The following GRIK1 variants were observed in gnomAD, a reference collection of about 807,000 sequenced individuals.
GRIK1 encodes the protein glutamate receptor ionotropic, kainate 1.
GRIK1 carries 69 observed loss-of-function variants against 105.7 expected under a neutral mutation model. The observed-to-expected ratio is 0.65, with a 90% CI of 0.54 to 0.80. The LOEUF (loss-of-function observed/expected upper bound fraction) is 0.80. Among genes scored for constraint, GRIK1 ranks in the 30% least tolerant of loss-of-function variants. GRIK1 has a pLI of 0.00. For synonymous variants in GRIK1, 438 were observed against 431.3 expected (o/e 1.02, Z -0.19); for missense variants, 1,109 against 1,167.3 (o/e 0.95, Z 0.73).
At chr21:29,837,407 A>G (rs1248764774) in intron 1 of GRIK1, among the ~76,000 whole-genome samples, 2 of 152,210 alleles carry the variant, frequency 1.3e-5, no homozygotes, top group East Asian at 3.8e-4. Context: ...TGTCCAGGGA[A>G]GAACAACTTC....
intron 1 of GRIK1, among the ~76,000 whole-genome samples, chr21:29,878,939 C>T (rs934226465): frequency 2.0e-5 from 3 of 152,128 alleles, no homozygotes; most frequent in African/African-American, 7.2e-5. Context: ...TTGGACTTCC[C>T]AGCCTCTGAA....
chr21:29,859,619 CA>C (rs1184985565), intron 1 of GRIK1, among the ~76,000 whole-genome samples: 1 of 152,180 alleles, frequency 6.6e-6, no homozygotes, highest in East Asian at 1.9e-4. Context: ...AGCAGTAATG[CA>C]CTTGGCCAGT....
intron 1 of GRIK1, among the ~76,000 whole-genome samples, chr21:29,908,237 T>C (rs1026996079): frequency 1.1e-5 from 1 of 93,466 alleles, no homozygotes. Flanking sequence ...CACAGAAATG[T>C]ATATGAAAAT....
chr21:29,659,721 G>T (rs1214335729), intron 4 of GRIK1, among the ~76,000 whole-genome samples: 1 of 152,168 alleles, frequency 6.6e-6, no homozygotes, highest in Non-Finnish European at 1.5e-5. Flanking sequence ...AGCACTTTGG[G>T]AGGCCGAGTT....
At chr21:29,857,467 G>A (rs2068498233) in intron 1 of GRIK1, among the ~76,000 whole-genome samples, 1 of 152,200 alleles carries the variant, frequency 6.6e-6, no homozygotes, top group Non-Finnish European at 1.5e-5. Context: ...CTTGGCATTT[G>A]TATAAGGAGT....
chr21:29,716,572 G>A (rs561637576), intron 1 of GRIK1, among the ~76,000 whole-genome samples: 1 of 152,236 alleles, frequency 6.6e-6, no homozygotes, highest in South Asian at 2.1e-4. Flanking sequence ...TTGAGAACTG[G>A]AACAAAGGTG....
At chr21:29,731,772 A>G (rs1001934867) in intron 1 of GRIK1, among the ~76,000 whole-genome samples, 1 of 152,188 alleles carries the variant, frequency 6.6e-6, no homozygotes, top group Non-Finnish European at 1.5e-5. Context: ...CTTCAACATC[A>G]TCTCATACCA....
At chr21:29,748,933 A>G (rs982091024) in intron 1 of GRIK1, 3 of 152,190 alleles carry the variant, frequency 2.0e-5, no homozygotes, top group African/African-American at 7.2e-5. Context: ...TTCGATCTGG[A>G]GTTAAGAATG....
chr21:29,579,036 G>A (rs923911873), intron 13 of GRIK1, among the ~76,000 whole-genome samples: 8 of 152,082 alleles, frequency 5.3e-5, no homozygotes, highest in Non-Finnish European at 1.2e-4. Context: ...GTATAATTAT[G>A]TATTATATGG....
At chr21:29,697,518 T>C (rs1322445659) in intron 1 of GRIK1, among the ~76,000 whole-genome samples, 1 of 152,140 alleles carries the variant, frequency 6.6e-6, no homozygotes, top group African/African-American at 2.4e-5. Context: ...ATGAATGGTG[T>C]CATTAGCTCA....
chr21:29,902,257 T>C (rs570652311), intron 1 of GRIK1, among the ~76,000 whole-genome samples: 139 of 152,268 alleles, frequency 9.1e-4, no homozygotes, highest in African/African-American at 3.1e-3. Context: ...TGTCCTCTCT[T>C]ACCACTCCTA....
chr21:29,695,708 C>G (rs554556374), intron 1 of GRIK1, among the ~76,000 whole-genome samples: 1 of 152,170 alleles, frequency 6.6e-6, no homozygotes, highest in East Asian at 1.9e-4. Flanking sequence ...CTCCTGACTT[C>G]GTGATCTGCC....
intron 1 of GRIK1, among the ~76,000 whole-genome samples, chr21:29,877,194 T>C (rs1466535384): frequency 3.3e-5 from 5 of 152,178 alleles, no homozygotes; most frequent in Non-Finnish European, 7.4e-5. Flanking sequence ...AATAAAATAT[T>C]TTACAGCTCC....
At chr21:29,750,223 C>G (rs2065151662) in intron 1 of GRIK1, among the ~76,000 whole-genome samples, 1 of 138,042 alleles carries the variant, frequency 7.2e-6, no homozygotes, top group Non-Finnish European at 1.6e-5. Flanking sequence ...TTCTCTCCCT[C>G]CCTTCCTTCC....
intron 7 of GRIK1, among the ~76,000 whole-genome samples, chr21:29,637,269 CCTT>C (rs1347737086): frequency 6.6e-6 from 1 of 152,158 alleles, no homozygotes; most frequent in Non-Finnish European, 1.5e-5. Context: ...TGATTAGAAA[CCTT>C]CTTCTTTCCA....
chr21:29,653,693 C>A (rs1183679695), intron 5 of GRIK1, among the ~76,000 whole-genome samples: 1 of 152,208 alleles, frequency 6.6e-6, no homozygotes, highest in African/African-American at 2.4e-5. Context: ...CAGCTGTTCT[C>A]AAGGATGACA....
chr21:29,585,801 C>G (rs778804619), intron 12 of GRIK1, among the ~76,000 whole-genome samples: 1 of 152,124 alleles, frequency 6.6e-6, no homozygotes, highest in African/African-American at 2.4e-5. Flanking sequence ...TGAAAAATAC[C>G]TCCAAAGGTA....
chr21:29,699,840 G>C (rs1207619705), intron 1 of GRIK1, among the ~76,000 whole-genome samples: 1 of 151,916 alleles, frequency 6.6e-6, no homozygotes, highest in Admixed American at 6.6e-5. Context: ...GTACAGAGAG[G>C]GTTTCGGCAT....
intron 1 of GRIK1, among the ~76,000 whole-genome samples, chr21:29,817,171 G>C (rs77531885): frequency 3.3e-5 from 5 of 152,084 alleles, no homozygotes; most frequent in African/African-American, 1.2e-4. Context: ...CCAACTTAAA[G>C]CAACTCTATC....
Sources: gnomAD v4.1 joint callset for allele counts (sites outside exome capture counted in the v4.1 genomes callset) on GRCh38, gnomAD v4.1.1 for gene constraint, MANE v1.5 for transcripts, NCBI Gene and HGNC (gene_info 2026-07-23, HGNC 2026-07-21) for gene names.